TUBD1: variants seen among roughly 807,000 people sequenced by gnomAD.
TUBD1 encodes the protein tubulin delta 1.
TUBD1 carries 38 observed loss-of-function variants against 51.2 expected under a neutral mutation model. That is an observed-to-expected ratio of 0.74 (90% CI 0.57 to 0.97). TUBD1 has a LOEUF of 0.97. Ranked by LOEUF, TUBD1 falls within the 50% of genes least tolerant of loss-of-function variation. The probability of loss-of-function intolerance (pLI) is 0.00; values close to 1 mark genes in which losing one functional copy is unlikely to be tolerated. For missense variants in TUBD1, 489 were observed against 538.4 expected (o/e 0.91, Z 0.91); for synonymous variants, 169 against 178.2 (o/e 0.95, Z 0.41).
In TUBD1 at chr17:59,860,267, T is replaced by G. The variant is rs2039376052; in HGVS notation, c.*55A>C. 1.9e-5 allele frequency: 24 copies of G among 1,236,060 alleles called. No individual in the cohort carries two copies. In the South Asian group the frequency reaches 3.1e-4, roughly 16 times the overall value. 76.6% of individuals were successfully genotyped at this position (1,236,060 alleles called of 1,614,324 possible). On this transcript the variant is annotated 3_prime_UTR_variant, in exon 9 of 9. Transcript: ENST00000325752. ...GAAAACTTTACAGAGAAAATAGTAT[T>G]GAAAATATTTTAGTCCAGAAATGCC...
intron 6 of TUBD1, among the ~76,000 whole-genome samples, chr17:59,867,437 G>A (rs1295346888): frequency 1.3e-5 from 2 of 152,134 alleles, no homozygotes; most frequent in Non-Finnish European, 2.9e-5. Context: ...GATGGGTGTG[G>A]TGGCTCATGC....
intron 3 of TUBD1, among the ~76,000 whole-genome samples, chr17:59,885,810 T>C (rs2040695248): frequency 6.6e-6 from 1 of 152,202 alleles, no homozygotes; most frequent in South Asian, 2.1e-4. Context: ...CTGCCAGATA[T>C]GGACATTACA....
chr17:59,860,429 T>C lies in TUBD1; in HGVS notation c.1260-5A>G. 1.4e-6 allele frequency: 2 copies of C among 1,444,888 alleles called. No homozygotes were observed. Among genetic ancestry groups the C allele is most frequent in the South Asian group, 1.3e-5 (1 of 77,382 alleles). The allele number at this position is 1,444,888 out of a possible 1,614,324, so 89.5% of individuals were successfully genotyped here. Reference sequence around the variant, plus strand: ...GTGTACTGATGAATGTAGGCTCTGGTAGAAAAAAAAAAAAAACAGAAATTA... The same window carrying C: ...GTGTACTGATGAATGTAGGCTCTGGCAGAAAAAAAAAAAAAACAGAAATTA... On this transcript the variant is annotated splice_region_variant and splice_polypyrimidine_tract_variant and intron_variant, in intron 8 of 8. Coordinates refer to ENST00000325752, the MANE Select transcript of TUBD1 (RefSeq NM_016261.4).
Position 59,860,044 on chromosome 17 carries a change from C to CT in TUBD1, c.*277dup, listed in dbSNP as rs2039365486. 2 of 152,026 alleles carry CT rather than the reference C, an allele frequency of 1.3e-5. No individual in the cohort carries two copies. The highest frequency in any genetic ancestry group is 6.1e-5 in the African/African-American group (2 of 32,922). 9.4% of individuals were successfully genotyped at this position (152,026 alleles called of 1,614,324 possible). On this transcript the variant is annotated 3_prime_UTR_variant, in exon 9 of 9. Transcript: ENST00000325752. ...TTTTTTTTTTTTTTTGAGACGGAGT[C>CT]TCGCTCTGTCGCCCAGGCTGGAGTG...
At chr17:59,863,930 A>G in intron 7 of TUBD1, 83 bp from the exon 8 acceptor site, 1 of 1,165,144 alleles carries the variant, frequency 8.6e-7, no homozygotes, top group Non-Finnish European at 1.1e-6. Flanking sequence ...TTTCTTGTCT[A>G]TTTCATCAGA....
intron 4 of TUBD1, 134 bp downstream of exon 4, chr17:59,880,760 C>T (rs1164703622): frequency 1.3e-5 from 10 of 766,572 alleles, no homozygotes; most frequent in African/African-American, 1.7e-5. Context: ...ACGATCCGCC[C>T]GCCTTGGCCT....
At chr17:59,885,568 G>A (rs2040685927) in intron 3 of TUBD1, 1 of 1,342,118 alleles carries the variant, frequency 7.5e-7, no homozygotes, top group Non-Finnish European at 1.1e-6. Flanking sequence ...AGGCTTCGTG[G>A]GCTTTTGTGC....
intron 5 of TUBD1, among the ~76,000 whole-genome samples, chr17:59,877,324 G>A (rs779952872): frequency 1.5e-4 from 23 of 152,298 alleles, no homozygotes; most frequent in Non-Finnish European, 3.1e-4. Context: ...TGGCAGACTC[G>A]GACCTCTTTG....
intron 2 of TUBD1, among the ~76,000 whole-genome samples, chr17:59,887,922 C>A (rs1254238743): frequency 1.3e-5 from 2 of 151,104 alleles, no homozygotes; most frequent in African/African-American, 4.9e-5. Context: ...AGACACTGTG[C>A]CCAGCTGTTA....
intron 2 of TUBD1, among the ~76,000 whole-genome samples, chr17:59,888,270 T>C (rs979233358): frequency 6.6e-6 from 1 of 152,086 alleles, no homozygotes; most frequent in African/African-American, 2.4e-5. Context: ...GGAGGATGGA[T>C]GTGATAGACA....
intron 2 of TUBD1, 92 bp from the exon 3 acceptor site, chr17:59,886,322 C>CA (rs113094238): frequency 0.12 from 99,376 of 860,814 alleles, 3 homozygotes; most frequent in South Asian, 0.13. Flanking sequence ...TGTCCAAATC[C>CA]AAAAAAAAAA....
chr17:59,888,224 T>C (rs2040823742), intron 2 of TUBD1, among the ~76,000 whole-genome samples: 1 of 152,096 alleles, frequency 6.6e-6, no homozygotes, highest in Non-Finnish European at 1.5e-5. Context: ...CATGAGCCAC[T>C]GCACCCGGCC....
intron 2 of TUBD1, 111 bp downstream of exon 2, chr17:59,890,720 T>TA: frequency 1.1e-6 from 1 of 899,226 alleles, no homozygotes; most frequent in Non-Finnish European, 1.6e-6. Context: ...AAAAACAAAG[T>TA]AATTCCCTAG....
intron 6 of TUBD1, among the ~76,000 whole-genome samples, chr17:59,869,547 C>T (rs1348789795): frequency 1.3e-5 from 2 of 151,780 alleles, no homozygotes; most frequent in African/African-American, 2.4e-5. Flanking sequence ...ACTCAGCAAA[C>T]TGTGGTTTAT....
At chr17:59,885,657 A>G (rs1409870639) in intron 3 of TUBD1, 1 of 612,736 alleles carries the variant, frequency 1.6e-6, no homozygotes, top group Admixed American at 3.1e-5. Context: ...GTGGTTAAAA[A>G]AACAAAACAA....
intron 6 of TUBD1, among the ~76,000 whole-genome samples, chr17:59,867,998 T>TA (rs1427204066): frequency 6.7e-6 from 1 of 150,056 alleles, no homozygotes; most frequent in Non-Finnish European, 1.5e-5. Flanking sequence ...CATGGTGGCT[T>TA]ATGCCTGTAA....
intron 3 of TUBD1, chr17:59,884,720 A>G (rs946809000): frequency 1.3e-5 from 2 of 153,104 alleles, no homozygotes; most frequent in African/African-American, 4.8e-5. Flanking sequence ...CAGGAGTTCC[A>G]GACCAGTCTG....
intron 6 of TUBD1, among the ~76,000 whole-genome samples, chr17:59,874,273 C>T (rs983805522): frequency 4.6e-5 from 7 of 150,972 alleles, no homozygotes; most frequent in Non-Finnish European, 8.8e-5. Context: ...TGAGTTTTGG[C>T]TACTTGATTT....
At chr17:59,884,097 C>T (rs1178471421) in intron 3 of TUBD1, among the ~76,000 whole-genome samples, 1 of 151,518 alleles carries the variant, frequency 6.6e-6, no homozygotes, top group Non-Finnish European at 1.5e-5. Flanking sequence ...CCAGTATCTA[C>T]TAAAAATACA....
Sources: gnomAD v4.1 joint callset for allele counts (sites outside exome capture counted in the v4.1 genomes callset) on GRCh38, gnomAD v4.1.1 for gene constraint, MANE v1.5 for transcripts, NCBI Gene and HGNC (gene_info 2026-07-23, HGNC 2026-07-21) for gene names.